The following C1QTNF7 variants were observed in gnomAD, a reference collection of about 807,000 sequenced individuals.
C1QTNF7 encodes complement C1q tumor necrosis factor-related protein 7.
C1QTNF7 carries 15 observed loss-of-function variants against 19.6 expected under a neutral mutation model. That is an observed-to-expected ratio of 0.76 (90% CI 0.51 to 1.18). The LOEUF is 1.18. Ranked by LOEUF, C1QTNF7 falls within the 50% of genes most tolerant of loss-of-function variation. The pLI is 0.00. For synonymous variants in C1QTNF7, 142 were observed against 137.5 expected (o/e 1.03, Z -0.23); for missense variants, 324 against 359.7 (o/e 0.90, Z 0.80).
intron 1 of C1QTNF7, among the ~76,000 whole-genome samples, chr4:15,387,905 G>T (rs1033271843): frequency 1.3e-5 from 2 of 152,126 alleles, no homozygotes; most frequent in African/African-American, 4.8e-5. Context: ...GGAAATGTAT[G>T]CAGGACAGAG....
rs778801275 is a variant in C1QTNF7, at chr4:15,445,356, G to A, written c.*2557G>A. 1 of 152,228 alleles carries A rather than the reference G, an allele frequency of 6.6e-6. No individual in the cohort carries two copies. The highest frequency in any genetic ancestry group is 1.5e-5 in the Non-Finnish European group (1 of 68,040). The allele number at this position is 152,228 out of a possible 1,614,324, so 9.4% of individuals were successfully genotyped here. On this transcript the variant is annotated 3_prime_UTR_variant, in exon 3 of 3. Transcript: ENST00000444304. ...TGCTAGATAAACTGGAAATGGAGAA[G>A]TTATTGCAGACAGTCATGAACCACA...
chr4:15,410,369 C>T (rs1378112872), intron 1 of C1QTNF7, among the ~76,000 whole-genome samples: 5 of 152,156 alleles, frequency 3.3e-5, no homozygotes, highest in Admixed American at 1.3e-4. Flanking sequence ...AGGCTGTTAA[C>T]GTGTGAGCTT....
At chr4:15,343,618 A>C (rs1331985063) in intron 1 of C1QTNF7, among the ~76,000 whole-genome samples, 1 of 152,198 alleles carries the variant, frequency 6.6e-6, no homozygotes, top group African/African-American at 2.4e-5. Context: ...TCAATGAGCT[A>C]CCAATTGAAT....
chr4:15,410,055 A>G (rs1719349987), intron 1 of C1QTNF7, among the ~76,000 whole-genome samples: 1 of 152,164 alleles, frequency 6.6e-6, no homozygotes, highest in African/African-American at 2.4e-5. Flanking sequence ...TACATACCCC[A>G]TGAAGTGCTA....
intron 1 of C1QTNF7, among the ~76,000 whole-genome samples, chr4:15,408,323 A>G (rs894789521): frequency 1.3e-5 from 2 of 150,704 alleles, no homozygotes; most frequent in African/African-American, 2.4e-5. Flanking sequence ...ACAGATAAGT[A>G]TGTATATATA....
chr4:15,416,529 A>G (rs1484183627), intron 1 of C1QTNF7, among the ~76,000 whole-genome samples: 3 of 152,168 alleles, frequency 2.0e-5, no homozygotes, highest in Non-Finnish European at 2.9e-5. Flanking sequence ...CAGGCAGGAT[A>G]CAGGGGCCTC....
rs111858750 is a variant in C1QTNF7 at position 15,429,079 on chromosome 4, A to G, written c.-9+973A>G. 8.7e-4 allele frequency among the ~76,000 whole-genome samples: 132 copies of G among 152,308 alleles called. 1 individual carries two copies. The highest frequency in any genetic ancestry group is 3.0e-3 in the African/African-American group (126 of 41,578). On this transcript the variant is annotated intron_variant, in intron 1 of 2. Coordinates refer to ENST00000444304, the MANE Select transcript of C1QTNF7 (RefSeq NM_031911.5). ...CCACAGAGTATCAATGTTCTTACTT[A>G]TAAAGTGAAGGTAATAGCACTTACT...
chr4:15,408,065 G>A (rs1291968287), intron 1 of C1QTNF7, among the ~76,000 whole-genome samples: 12 of 152,034 alleles, frequency 7.9e-5, no homozygotes, highest in African/African-American at 9.7e-5. Context: ...TCAGGAGTTC[G>A]AGAGCAGCCT....
At chr4:15,353,099 T>G (rs947379591) in intron 1 of C1QTNF7, among the ~76,000 whole-genome samples, 2 of 152,144 alleles carry the variant, frequency 1.3e-5, no homozygotes, top group Non-Finnish European at 1.5e-5. Flanking sequence ...CTGTAGTTAT[T>G]AGAATTAGTT....
At chr4:15,422,199 CTGTT>C (rs1711805973) in intron 1 of C1QTNF7, among the ~76,000 whole-genome samples, 2 of 70,972 alleles carry the variant, frequency 2.8e-5, no homozygotes, top group South Asian at 5.4e-4. Context: ...TCTAATAAAC[CTGTT>C]TTTTTTTAAA....
chr4:15,423,243 C>T (rs1005523863), upstream of C1QTNF7, among the ~76,000 whole-genome samples: 1 of 152,176 alleles, frequency 6.6e-6, no homozygotes, highest in African/African-American at 2.4e-5. Flanking sequence ...CAGATAACCT[C>T]TGAGATCCCT....
rs78041674 is a variant in C1QTNF7, at chr4:15,342,575, G to A, written c.13+2368G>A. On this transcript the variant is annotated intron_variant, in intron 1 of 2. Transcript: ENST00000295297. ...ATCAAAGAAAGCGTCCCACAAAGCT[G>A]TCCTTGAACTAGACCTTGAAAGATG... Among the ~76,000 whole-genome samples the A allele has an allele frequency of 1.7e-3, 263 of 152,328 alleles. 2 individuals are homozygous for A. The highest frequency in any genetic ancestry group is 6.1e-3 in the African/African-American group (254 of 41,584).
chr4:15,366,448 G>T (rs550414835), intron 1 of C1QTNF7, among the ~76,000 whole-genome samples: 1 of 152,150 alleles, frequency 6.6e-6, no homozygotes, highest in East Asian at 1.9e-4. Context: ...ACTGCGGATA[G>T]TCCCCTGGAA....
intron 1 of C1QTNF7, among the ~76,000 whole-genome samples, chr4:15,342,124 G>A (rs940422862): frequency 5.3e-5 from 8 of 152,222 alleles, no homozygotes; most frequent in African/African-American, 1.9e-4. Context: ...GAAAGGACAG[G>A]TCAGGGTTGT....
intron 1 of C1QTNF7, among the ~76,000 whole-genome samples, chr4:15,366,837 A>C (rs1717540743): frequency 6.6e-6 from 1 of 152,226 alleles, no homozygotes; most frequent in Non-Finnish European, 1.5e-5. Flanking sequence ...TAAGACAGGA[A>C]GTGCATGTGT....
chr4:15,396,786 T>C (rs1435547914), intron 1 of C1QTNF7, among the ~76,000 whole-genome samples: 1 of 152,086 alleles, frequency 6.6e-6, no homozygotes, highest in African/African-American at 2.4e-5. Flanking sequence ...TGGGTGGCTT[T>C]CCATCACCAG....
intron 1 of C1QTNF7, among the ~76,000 whole-genome samples, chr4:15,422,635 T>G (rs1711831629): frequency 6.6e-6 from 1 of 152,158 alleles, no homozygotes; most frequent in Admixed American, 6.6e-5. Flanking sequence ...GAAAGGGTCT[T>G]GCTTTGTCAC....
intron 1 of C1QTNF7, among the ~76,000 whole-genome samples, chr4:15,398,648 G>C (rs1201964629): frequency 6.6e-6 from 1 of 152,184 alleles, no homozygotes; most frequent in Non-Finnish European, 1.5e-5. Context: ...GCAGCAGTCT[G>C]CTTCTGTTAC....
At chr4:15,375,642 G>A (rs1156547782) in intron 1 of C1QTNF7, among the ~76,000 whole-genome samples, 2 of 152,126 alleles carry the variant, frequency 1.3e-5, no homozygotes, top group East Asian at 3.9e-4. Context: ...CATTTTGCAA[G>A]TCCCTCATCA....
Sources: gnomAD v4.1 joint callset for allele counts (sites outside exome capture counted in the v4.1 genomes callset) on GRCh38, gnomAD v4.1.1 for gene constraint, MANE v1.5 for transcripts, NCBI Gene and HGNC (gene_info 2026-07-23, HGNC 2026-07-21) for gene names.